The following ZBTB5 variants were observed in gnomAD, a reference collection of about 807,000 sequenced individuals.
The protein encoded by ZBTB5 is zinc finger and BTB domain-containing protein 5.
In ZBTB5, 15 loss-of-function variants were observed where a neutral mutation model predicts 37.9. That is an observed-to-expected ratio of 0.40 (90% confidence interval 0.26 to 0.61). ZBTB5 has a LOEUF of 0.61. Ranked by LOEUF, ZBTB5 falls within the 20% of genes least tolerant of loss-of-function variation. The probability of loss-of-function intolerance (pLI) is 0.47; values close to 1 mark genes in which losing one functional copy is unlikely to be tolerated. For missense variants in ZBTB5, 708 were observed against 856.8 expected (o/e 0.83, Z 2.17); for synonymous variants, 315 against 312.4 (o/e 1.01, Z -0.09).
At chr9:37,448,913 G>A (rs1187234585) in intron 1 of ZBTB5, among the ~76,000 whole-genome samples, 10 of 151,778 alleles carry the variant, frequency 6.6e-5, no homozygotes, top group Middle Eastern at 3.4e-3. Context: ...GCGTGGTGGC[G>A]TGTGCCTGTA....
intron 1 of ZBTB5, among the ~76,000 whole-genome samples, chr9:37,452,910 T>C (rs111662057): frequency 3.0e-4 from 46 of 152,146 alleles, no homozygotes; most frequent in African/African-American, 1.1e-3. Context: ...AAGCACACAA[T>C]AGCTATAGGA....
At chr9:37,460,134 T>C (rs1300819799) in intron 1 of ZBTB5, among the ~76,000 whole-genome samples, 2 of 151,790 alleles carry the variant, frequency 1.3e-5, no homozygotes, top group Admixed American at 1.3e-4. Flanking sequence ...GAAACTTCTT[T>C]CTTAATGAAA....
At chr9:37,458,129 A>G (rs1325766506) in intron 1 of ZBTB5, among the ~76,000 whole-genome samples, 1 of 152,262 alleles carries the variant, frequency 6.6e-6, no homozygotes, top group Admixed American at 6.5e-5. Flanking sequence ...ATTGATGGGA[A>G]GGCTGGATAC....
chr9:37,440,812 G>A lies in ZBTB5; in HGVS notation c.1740C>T (p.Gly580=), dbSNP rs1004344915. 1 of 1,614,188 alleles carries A rather than the reference G, an allele frequency of 6.2e-7. No homozygotes were observed. Among genetic ancestry groups the A allele is most frequent in the African/African-American group, 1.3e-5 (1 of 75,042 alleles). Residue 580 remains glycine, a synonymous_variant, in exon 2 of 2, where the codon GGC becomes GGT. Transcript: ENST00000307750. ...CAGATGCCCTGGTCAACTGTGGAGG[G>A]CCAGGCTGGGAAGGATGGCCATTTT... is the stretch of plus-strand genomic sequence containing the variant. ...SFENGHPSQP[G]PPQLTRASAD... is the part of the protein sequence containing the mutation.
intron 1 of ZBTB5, among the ~76,000 whole-genome samples, 175 bp downstream of exon 1, chr9:37,465,040 C>T (rs1259363998): frequency 6.6e-6 from 1 of 152,222 alleles, no homozygotes; most frequent in Non-Finnish European, 1.5e-5. Context: ...GAAGAACCCG[C>T]CTGGCCCCTT....
At chr9:37,460,006 G>A (rs1024594793) in intron 1 of ZBTB5, among the ~76,000 whole-genome samples, 3 of 136,582 alleles carry the variant, frequency 2.2e-5, no homozygotes, top group African/African-American at 8.3e-5. Context: ...CACTGCGCCA[G>A]GCCATTTTTT....
chr9:37,440,820 G>C lies in ZBTB5; in HGVS notation c.1732C>G (p.Gln578Glu). The stretch of plus-strand genomic sequence containing the variant: ...CTGGTCAACTGTGGAGGGCCAGGCT[G>C]GGAAGGATGGCCATTTTCAAATGAG... Reference protein sequence around the residue: ...TSSFENGHPSQPGPPQLTRAS... With the variant: ...TSSFENGHPSEPGPPQLTRAS... The change falls in exon 2 of 2, where the codon CAG becomes GAG. Residue 578 changes from glutamine to glutamate, a missense_variant. Transcript: ENST00000307750. The C allele has an allele frequency of 6.2e-7, 1 of 1,614,210 alleles. No homozygotes were observed. The highest frequency in any genetic ancestry group is 8.5e-7 in the Non-Finnish European group (1 of 1,180,034).
chr9:37,461,907 C>T (rs918460319), intron 1 of ZBTB5, among the ~76,000 whole-genome samples: 1 of 152,110 alleles, frequency 6.6e-6, no homozygotes, highest in African/African-American at 2.4e-5. Flanking sequence ...ATATCACGCT[C>T]GATAGGCTTC....
chr9:37,448,341 C>T (rs1049361761), intron 1 of ZBTB5, among the ~76,000 whole-genome samples: 39 of 152,202 alleles, frequency 2.6e-4, no homozygotes, highest in African/African-American at 8.9e-4. Flanking sequence ...CTAATGTCTG[C>T]ATCATAACTA....
At chr9:37,450,152 C>T (rs749963988) in intron 1 of ZBTB5, among the ~76,000 whole-genome samples, 2 of 152,122 alleles carry the variant, frequency 1.3e-5, no homozygotes, top group Non-Finnish European at 2.9e-5. Flanking sequence ...CTTTCAGAAG[C>T]TCCTCTGTCT....
chr9:37,442,438 G>T lies in ZBTB5; in HGVS notation c.114C>A (p.His38Gln). The T allele has an allele frequency of 6.2e-7, 1 of 1,614,158 alleles. No homozygotes were observed. Among genetic ancestry groups the T allele is most frequent in the Non-Finnish European group, 8.5e-7 (1 of 1,180,038 alleles). The change falls in exon 2 of 2, where the codon CAC becomes CAA. Residue 38 changes from histidine (H) to glutamine (Q), a missense_variant. Transcript: ENST00000307750. The stretch of plus-strand genomic sequence containing the variant: ...TGCTGCATGCTGCCAGCACGGAGCG[G>T]TGGGCTTTAAAGTGTCTATTCCCCA... ...IVVGNRHFKA[H>Q]RSVLAACSTH... is the part of the protein sequence containing the mutation.
chr9:37,460,209 G>A (rs987506207), intron 1 of ZBTB5, among the ~76,000 whole-genome samples: 3 of 152,018 alleles, frequency 2.0e-5, no homozygotes, highest in Non-Finnish European at 2.9e-5. Flanking sequence ...AGGCCGAGGC[G>A]GGTGGATCAA....
intron 1 of ZBTB5, among the ~76,000 whole-genome samples, chr9:37,444,587 T>C (rs1237836751): frequency 6.6e-6 from 1 of 152,206 alleles, no homozygotes; most frequent in African/African-American, 2.4e-5. Flanking sequence ...AATATGAAGA[T>C]ACAAATCCCC....
At chr9:37,459,670 C>T (rs963699884) in intron 1 of ZBTB5, among the ~76,000 whole-genome samples, 13 of 150,048 alleles carry the variant, frequency 8.7e-5, no homozygotes, top group Non-Finnish European at 1.9e-4. Flanking sequence ...CTCAGCCTCC[C>T]GAATAGCTGG....
At chr9:37,465,090 AGAG>A (rs1412450515) in intron 1 of ZBTB5, 122 bp downstream of exon 1, 4 of 152,288 alleles carry the variant, frequency 2.6e-5, no homozygotes, top group African/African-American at 9.7e-5. Flanking sequence ...AAAGACAGCC[AGAG>A]TAGTCCGGGG....
rs778960557 is a variant in ZBTB5, at chr9:37,455,840, A to AT, written c.-5+9374dup. Among the ~76,000 whole-genome samples, 684 of 148,532 alleles carry AT rather than the reference A, an allele frequency of 4.6e-3. 6 individuals carry two copies. The highest frequency in any genetic ancestry group is 7.0e-3 in the Middle Eastern group (2 of 286). On this transcript the variant is annotated intron_variant, in intron 1 of 1. Coordinates refer to ENST00000307750, the MANE Select transcript of ZBTB5 (RefSeq NM_014872.3). Reference sequence around the variant, plus strand: ...CAAGGACCCACTCAAGTAGGCTAGGATTTTTTTTTTTTAAATACAGGTGGG... The same window carrying AT: ...CAAGGACCCACTCAAGTAGGCTAGGATTTTTTTTTTTTTAAATACAGGTGGG...
At chr9:37,460,703 C>T (rs1228275548) in intron 1 of ZBTB5, among the ~76,000 whole-genome samples, 1 of 151,344 alleles carries the variant, frequency 6.6e-6, no homozygotes, top group African/African-American at 2.4e-5. Flanking sequence ...CCCACCTCCA[C>T]AAAAAATACA....
intron 1 of ZBTB5, among the ~76,000 whole-genome samples, chr9:37,463,512 C>T (rs1159830598): frequency 6.6e-6 from 1 of 152,152 alleles, no homozygotes; most frequent in Non-Finnish European, 1.5e-5. Flanking sequence ...TCTCTGTCAG[C>T]ACTACACCAG....
intron 1 of ZBTB5, among the ~76,000 whole-genome samples, chr9:37,456,830 T>C (rs1824196871): frequency 6.6e-6 from 1 of 152,224 alleles, no homozygotes; most frequent in South Asian, 2.1e-4. Flanking sequence ...TGAAGTATAA[T>C]GTATTACCCA....
Sources: gnomAD v4.1 joint callset for allele counts (sites outside exome capture counted in the v4.1 genomes callset) on GRCh38, gnomAD v4.1.1 for gene constraint, MANE v1.5 for transcripts, NCBI Gene and HGNC (gene_info 2026-07-23, HGNC 2026-07-21) for gene names.